MYO18B: variants seen among roughly 807,000 people sequenced by gnomAD.
MYO18B encodes myosin XVIIIB.
In MYO18B, 204 loss-of-function variants were observed where a neutral mutation model predicts 273.0. The ratio of observed to expected loss-of-function variants is 0.75; its 90% CI spans 0.67 to 0.84. MYO18B has a LOEUF of 0.84. Ranked by LOEUF, MYO18B falls within the 40% of genes least tolerant of loss-of-function variation. The pLI is 0.00. For missense variants in MYO18B, 3,212 were observed against 3,287.6 expected (o/e 0.98, Z 0.56); for synonymous variants, 1,330 against 1,305.7 (o/e 1.02, Z -0.40).
intron 35 of MYO18B, 27 bp downstream of exon 35, chr22:25,946,277 G>A (rs1358474183): frequency 5.9e-6 from 9 of 1,518,500 alleles, no homozygotes; most frequent in Non-Finnish European, 5.4e-6. Flanking sequence ...GCAGCTGCAG[G>A]GACCTGGGCC....
chr22:26,008,551 C>T (rs1331698201), intron 42 of MYO18B, among the ~76,000 whole-genome samples: 3 of 152,208 alleles, frequency 2.0e-5, no homozygotes, highest in Non-Finnish European at 4.4e-5. Flanking sequence ...AAGGGGACGT[C>T]AACTCAAGAG....
At chr22:25,835,124 G>T (rs1412831793) in intron 16 of MYO18B, among the ~76,000 whole-genome samples, 172 bp from the exon 17 acceptor site, 1 of 152,204 alleles carries the variant, frequency 6.6e-6, no homozygotes, top group African/African-American at 2.4e-5. Flanking sequence ...GGTTGCTATA[G>T]CTTCAACACT....
At chr22:25,990,733 AAAAAAG>A (rs2093260765) in intron 39 of MYO18B, among the ~76,000 whole-genome samples, 3 of 103,162 alleles carry the variant, frequency 2.9e-5, no homozygotes, top group African/African-American at 1.3e-4. Context: ...AAAAGAAAAA[AAAAAAG>A]ACTCCAGGCT....
In MYO18B at chr22:25,948,459, C is replaced by CTTTCTTTCT. The variant is rs2092748160; in HGVS notation, c.5748+633_5748+634insTCTTTCTTT. Among the ~76,000 whole-genome samples, 203 of 67,680 alleles carry CTTTCTTTCT rather than the reference C, an allele frequency of 3.0e-3. 3 individuals carry two copies. Among genetic ancestry groups the CTTTCTTTCT allele is most frequent in the African/African-American group, 0.01 (187 of 18,644 alleles). The allele number at this position is 67,680 out of a possible 152,430, so 44.4% of individuals were successfully genotyped here. ...CCTTCCTTCCTTCCTTCCTTCCTTC[C>CTTTCTTTCT]TTCTTTCTTTCTTTCTTTCTTTCTT... On this transcript the variant is annotated intron_variant, in intron 36 of 43. Transcript: ENST00000335473.
chr22:25,751,473 G>A (rs1456929240), intron 1 of MYO18B, among the ~76,000 whole-genome samples: 5 of 152,198 alleles, frequency 3.3e-5, no homozygotes, highest in Admixed American at 6.5e-5. Flanking sequence ...CATAGGGCAC[G>A]TCTGAGGCTT....
At chr22:25,848,672 A>G (rs956620445) in intron 20 of MYO18B, among the ~76,000 whole-genome samples, 69 of 152,178 alleles carry the variant, frequency 4.5e-4, no homozygotes, top group African/African-American at 1.6e-3. Context: ...TGATGTCCCC[A>G]CATTAGCTAA....
chr22:26,005,365 A>G (rs8135941), intron 42 of MYO18B, among the ~76,000 whole-genome samples: 50,655 of 152,024 alleles, frequency 0.33, 9,258 homozygotes, highest in African/African-American at 0.48. Context: ...AGCTTTATTC[A>G]AATTTTAGCT....
At chr22:25,975,707 G>C (rs1032401384) in intron 39 of MYO18B, among the ~76,000 whole-genome samples, 4 of 152,208 alleles carry the variant, frequency 2.6e-5, no homozygotes, top group East Asian at 1.9e-4. Context: ...CCTGTACACA[G>C]ATCACCCGGG....
chr22:26,023,201 T>C (rs1365749019), intron 42 of MYO18B, among the ~76,000 whole-genome samples: 1 of 152,192 alleles, frequency 6.6e-6, no homozygotes, highest in Non-Finnish European at 1.5e-5. Flanking sequence ...CTGCCTCCTC[T>C]TCTTTCATGC....
the MYO18B span, among the ~76,000 whole-genome samples, chr22:26,049,898 C>T: frequency 6.6e-6 from 1 of 152,160 alleles, no homozygotes; most frequent in Non-Finnish European, 1.5e-5. Context: ...ACAACAAGTA[C>T]AAAATAATAG....
At chr22:26,025,177 T>C (rs993638412) in intron 42 of MYO18B, among the ~76,000 whole-genome samples, 8 of 152,150 alleles carry the variant, frequency 5.3e-5, no homozygotes, top group Non-Finnish European at 1.0e-4. Flanking sequence ...CCTATTTCCC[T>C]GGGAAAGACA....
intron 2 of MYO18B, 140 bp from the exon 3 acceptor site, chr22:25,763,091 T>C (rs768977442): frequency 6.2e-6 from 6 of 971,726 alleles, no homozygotes; most frequent in South Asian, 1.3e-5. Flanking sequence ...CTCACCTGCT[T>C]GGCTGTGGCT....
At chr22:25,993,936 C>G (rs1311114320) in intron 40 of MYO18B, among the ~76,000 whole-genome samples, 1 of 151,864 alleles carries the variant, frequency 6.6e-6, no homozygotes, top group Admixed American at 6.6e-5. Context: ...TTTATATTTT[C>G]TGAAATCTGT....
intron 39 of MYO18B, among the ~76,000 whole-genome samples, chr22:25,977,019 C>A (rs370808678): frequency 2.0e-5 from 3 of 152,140 alleles, no homozygotes; most frequent in African/African-American, 7.2e-5. Flanking sequence ...ACTTGGGCTG[C>A]ACGATGCTCT....
intron 39 of MYO18B, among the ~76,000 whole-genome samples, chr22:25,956,039 G>A (rs1253261650): frequency 6.6e-6 from 1 of 152,130 alleles, no homozygotes; most frequent in Non-Finnish European, 1.5e-5. Flanking sequence ...CCCTTAAAAA[G>A]GTGGGGAAAC....
At chr22:26,003,129 A>C in intron 40 of MYO18B, 136 bp from the exon 41 acceptor site, 2 of 758,410 alleles carry the variant, frequency 2.6e-6, no homozygotes, top group Non-Finnish European at 4.6e-6. Flanking sequence ...AGGGAAGGCA[A>C]GTGACTTCCC....
intron 12 of MYO18B, among the ~76,000 whole-genome samples, chr22:25,811,943 C>T (rs5752223): frequency 0.019 from 2,876 of 152,278 alleles, 71 homozygotes; most frequent in East Asian, 0.1. Context: ...GATGTTAACA[C>T]GGACAGGTTG....
At chr22:25,924,748 T>C (rs1297891726) in intron 34 of MYO18B, among the ~76,000 whole-genome samples, 3 of 152,070 alleles carry the variant, frequency 2.0e-5, no homozygotes, top group Non-Finnish European at 4.4e-5. Flanking sequence ...TACTTCTGCA[T>C]GGAGATTGGA....
chr22:25,994,699 C>A (rs78339439), intron 40 of MYO18B, among the ~76,000 whole-genome samples: 1 of 152,138 alleles, frequency 6.6e-6, no homozygotes, highest in Admixed American at 6.6e-5. Context: ...CCTCCACTGC[C>A]CCCTCCTCCT....
Sources: gnomAD v4.1 joint callset for allele counts (sites outside exome capture counted in the v4.1 genomes callset) on GRCh38, gnomAD v4.1.1 for gene constraint, MANE v1.5 for transcripts, NCBI Gene and HGNC (gene_info 2026-07-23, HGNC 2026-07-21) for gene names.